The following PTPRA variants were observed in gnomAD, a reference collection of about 807,000 sequenced individuals.
PTPRA encodes the protein protein tyrosine phosphatase receptor type A, also known as receptor-type tyrosine-protein phosphatase alpha.
In PTPRA, 25 loss-of-function variants were observed where a neutral mutation model predicts 104.8. The ratio of observed to expected loss-of-function variants is 0.24; its 90% CI spans 0.17 to 0.33. The LOEUF (loss-of-function observed/expected upper bound fraction) is 0.33. PTPRA is among the 10% of genes least tolerant of loss of function. The probability of loss-of-function intolerance (pLI) is 1.00; values close to 1 mark genes in which losing one functional copy is unlikely to be tolerated. For missense variants in PTPRA, 765 were observed against 1,015.3 expected (o/e 0.75, Z 3.35); for synonymous variants, 323 against 368.9 (o/e 0.88, Z 1.43).
At chr20:2,901,080 C>T (rs1568645165) in intron 1 of PTPRA, among the ~76,000 whole-genome samples, 1 of 151,918 alleles carries the variant, frequency 6.6e-6, no homozygotes, top group Non-Finnish European at 1.5e-5. Context: ...AAGTGATTCT[C>T]CTGCCTCAGC....
the PTPRA span, among the ~76,000 whole-genome samples, chr20:2,867,466 A>G: frequency 1.3e-5 from 2 of 151,818 alleles, no homozygotes; most frequent in Non-Finnish European, 2.9e-5. Context: ...TGCTCTCTCT[A>G]TCTAGCCTTC....
chr20:3,001,982 T>C (rs1435132938), intron 9 of PTPRA, among the ~76,000 whole-genome samples: 2 of 151,988 alleles, frequency 1.3e-5, no homozygotes, highest in Non-Finnish European at 2.9e-5. Flanking sequence ...AAAATAAAAA[T>C]TAAAAAATTA....
chr20:2,949,285 C>T (rs2061268898), intron 3 of PTPRA, among the ~76,000 whole-genome samples: 3 of 151,132 alleles, frequency 2.0e-5, no homozygotes, highest in South Asian at 4.2e-4. Flanking sequence ...TAACTTACTT[C>T]CTATGGATTC....
chr20:2,896,293 C>T (rs1056074339), intron 1 of PTPRA, among the ~76,000 whole-genome samples: 6 of 152,090 alleles, frequency 3.9e-5, no homozygotes, highest in African/African-American at 1.4e-4. Flanking sequence ...GCAGGAGAAT[C>T]GCTTGAACCC....
At chr20:2,881,931 C>T (rs539347442) in intron 1 of PTPRA, among the ~76,000 whole-genome samples, 27 of 152,090 alleles carry the variant, frequency 1.8e-4, no homozygotes, top group Admixed American at 7.2e-4. Context: ...ACCTGGGAGG[C>T]GGAGATTGCA....
chr20:2,950,635 T>C lies in PTPRA; in HGVS notation c.-7+2611T>C, dbSNP rs1487386456. ...TCCAGCCTGGGCGACAGAGCGAGAC[T>C]CCATCTCAAAAAAAAAAAAAATTTA... On this transcript the variant is annotated intron_variant, in intron 3 of 23. Transcript: ENST00000399903. This position sits in a 1 kb window ranked among gnomAD's most constrained non-coding sequence, Gnocchi z 4.0. Among the ~76,000 whole-genome samples, 1 of 151,112 alleles carries C rather than the reference T, an allele frequency of 6.6e-6. No homozygotes were observed. Among genetic ancestry groups the C allele is most frequent in the Non-Finnish European group, 1.5e-5 (1 of 67,766 alleles).
intron 1 of PTPRA, among the ~76,000 whole-genome samples, chr20:2,894,985 ACC>A (rs1266324323): frequency 7.7e-6 from 1 of 130,654 alleles, no homozygotes; most frequent in Non-Finnish European, 1.7e-5. Flanking sequence ...AGACTCCTTC[ACC>A]CAAAAAAAAA....
intron 1 of PTPRA, among the ~76,000 whole-genome samples, chr20:2,917,346 A>G (rs1184575697): frequency 6.6e-6 from 1 of 151,976 alleles, no homozygotes; most frequent in Admixed American, 6.6e-5. Context: ...TCTCTGATCT[A>G]TTTTCATTGA....
intron 1 of PTPRA, among the ~76,000 whole-genome samples, chr20:2,874,350 T>C (rs1219487206): frequency 2.0e-5 from 3 of 151,846 alleles, no homozygotes; most frequent in Non-Finnish European, 4.4e-5. Flanking sequence ...AATAAAAAAT[T>C]TTTTTTGAAA....
chr20:2,972,964 C>T (rs2062255179), intron 5 of PTPRA, among the ~76,000 whole-genome samples: 1 of 152,122 alleles, frequency 6.6e-6, no homozygotes, highest in Non-Finnish European at 1.5e-5. Flanking sequence ...ACATGATTCT[C>T]CTGTCTTAGC....
chr20:2,986,876 C>T, intron 7 of PTPRA, 27 bp downstream of exon 7: 1 of 1,560,836 alleles, frequency 6.4e-7, no homozygotes, highest in Non-Finnish European at 8.8e-7. Flanking sequence ...TTCACATTCT[C>T]TTAGATTCTG....
At chr20:2,974,802 G>T (rs777648473) in intron 5 of PTPRA, among the ~76,000 whole-genome samples, 2 of 152,192 alleles carry the variant, frequency 1.3e-5, no homozygotes, top group Non-Finnish European at 2.9e-5. Context: ...TATAAGGGCT[G>T]TGGATATTTC....
At chr20:2,925,798 G>C (rs1199591006) in intron 2 of PTPRA, among the ~76,000 whole-genome samples, 1 of 152,144 alleles carries the variant, frequency 6.6e-6, no homozygotes, top group Non-Finnish European at 1.5e-5. Context: ...CTGGGTGACA[G>C]AGTGAGGCTG....
At chr20:2,875,853 T>G (rs986447983) in intron 1 of PTPRA, among the ~76,000 whole-genome samples, 1 of 152,056 alleles carries the variant, frequency 6.6e-6, no homozygotes, top group East Asian at 1.9e-4. Flanking sequence ...CCTGGGTGAT[T>G]TGGGAAAGCT....
chr20:2,972,861 G>A (rs1436220751), intron 5 of PTPRA, among the ~76,000 whole-genome samples: 1 of 152,004 alleles, frequency 6.6e-6, no homozygotes, highest in Non-Finnish European at 1.5e-5. Context: ...GGGATTACAG[G>A]TGTGTTCCAC....
chr20:2,864,787 C>G, the PTPRA span: 1 of 1,169,544 alleles, frequency 8.6e-7, no homozygotes, highest in Non-Finnish European at 1.2e-6. This position sits in a 1 kb window ranked among gnomAD's most constrained non-coding sequence, Gnocchi z 5.2. Context: ...GAGACTCTGA[C>G]GTGAGGCCAG....
rs1357317163 is a variant in PTPRA at position 2,916,844 on chromosome 20, G to C, written c.-128-6363G>C. Among the ~76,000 whole-genome samples, 4 of 152,046 alleles carry C rather than the reference G, an allele frequency of 2.6e-5. No homozygotes were observed. The East Asian group carries it at 5.8e-4, about 22-fold the overall frequency. On this transcript the variant is annotated intron_variant, in intron 1 of 23. Coordinates refer to ENST00000399903, the MANE Select transcript of PTPRA (RefSeq NM_001385305.1). ...TTTGGTTACCGGTGCTTTGCAATAA[G>C]TTTTGAAATCAGGAAGTATGAGTTC...
At chr20:2,875,302 C>A (rs554421545) in intron 1 of PTPRA, among the ~76,000 whole-genome samples, 1 of 152,126 alleles carries the variant, frequency 6.6e-6, no homozygotes, top group Admixed American at 6.6e-5. Flanking sequence ...TCCCACTGGC[C>A]TCCAAAAAAC....
At chr20:2,907,488 A>G (rs1456285489) in intron 1 of PTPRA, among the ~76,000 whole-genome samples, 1 of 152,242 alleles carries the variant, frequency 6.6e-6, no homozygotes, top group East Asian at 1.9e-4. Flanking sequence ...GATATTTTTC[A>G]TAGAATATCT....
Sources: gnomAD v4.1 joint callset for allele counts (sites outside exome capture counted in the v4.1 genomes callset) on GRCh38, gnomAD v4.1.1 for gene constraint, Gnocchi (gnomAD v3.1) non-coding constraint, MANE v1.5 for transcripts, NCBI Gene and HGNC (gene_info 2026-07-23, HGNC 2026-07-21) for gene names.